The following PEX5 variants were observed in gnomAD, a reference collection of about 807,000 sequenced individuals.
The protein encoded by PEX5 is peroxisomal biogenesis factor 5.
In PEX5, 52 loss-of-function variants were observed where a neutral mutation model predicts 82.9. The observed-to-expected ratio is 0.63, with a 90% CI of 0.50 to 0.79. The LOEUF (loss-of-function observed/expected upper bound fraction) is 0.79, where lower values mean the gene tolerates loss of function less well. Among genes scored for constraint, PEX5 ranks in the 30% least tolerant of loss-of-function variants. The pLI is 0.00. For synonymous variants in PEX5, 300 were observed against 318.8 expected, an observed-to-expected ratio of 0.94 and a Z score of 0.63; for missense variants, 719 against 815.2, an observed-to-expected ratio of 0.88 and a Z score of 1.44.
chr12:7,203,184 C>CGAAGCGA lies in PEX5; in HGVS notation c.847-248_847-247insGAAGCGA, dbSNP rs1565707446. Reference sequence around the variant, plus strand: ...AAACAAAAAACTAAACTAAACTATGCACTGCACTGCACTGCACTGCACTGC... The same window carrying CGAAGCGA: ...AAACAAAAAACTAAACTAAACTATGCGAAGCGAACTGCACTGCACTGCACTGCACTGC... On this transcript the variant is annotated intron_variant, in intron 9 of 15. Transcript: ENST00000675855. Among the ~76,000 whole-genome samples the CGAAGCGA allele has an allele frequency of 2.9e-4, 20 of 67,948 alleles. 1 individual carries two copies. Among genetic ancestry groups the CGAAGCGA allele is most frequent in the African/African-American group, 1.2e-3 (20 of 16,808 alleles). The allele number at this position is 67,948 out of a possible 152,430, so 44.6% of individuals were successfully genotyped here.
downstream of PEX5, among the ~76,000 whole-genome samples, chr12:7,211,702 A>G (rs74393368): frequency 2.5e-3 from 381 of 152,282 alleles, no homozygotes; most frequent in Middle Eastern, 6.8e-3. Context: ...TCCTGTTACT[A>G]CTACAAAGGA....
chr12:7,198,994 T>G lies in PEX5; in HGVS notation c.449-17T>G. ...GAATGAACCTGTGTGATTTCCCCACTTCTCTGCTCCTTGCAGACCCCTTGT... is the reference window on the plus strand; with the variant it reads ...GAATGAACCTGTGTGATTTCCCCACGTCTCTGCTCCTTGCAGACCCCTTGT... On this transcript the variant is annotated splice_polypyrimidine_tract_variant and intron_variant, in intron 5 of 15. Coordinates refer to ENST00000675855, the MANE Select transcript of PEX5 (RefSeq NM_001351132.2). The G allele has an allele frequency of 6.8e-7, 1 of 1,461,418 alleles. No individual in the cohort carries two copies. The highest frequency in any genetic ancestry group is 9.5e-7 in the Non-Finnish European group (1 of 1,048,870). The allele number at this position is 1,461,418 out of a possible 1,614,324, so 90.5% of individuals were successfully genotyped here.
rs1338003604 is a variant in PEX5 at position 7,202,619 on chromosome 12, C to A, written c.761C>A (p.Ser254Ter). The A allele has an allele frequency of 1.2e-6, 2 of 1,613,776 alleles. No individual in the cohort carries two copies. The highest frequency in any genetic ancestry group is 1.7e-6 in the Non-Finnish European group (2 of 1,179,810). The change falls in exon 9 of 16, where the codon TCA (serine) becomes TAA (stop). Residue 254 changes from serine to a stop codon, truncating the protein, a stop_gained. Coordinates refer to ENST00000675855, the MANE Select transcript of PEX5 (RefSeq NM_001351132.2). LOFTEE classifies it high-confidence loss of function. Reference sequence around the variant, plus strand: ...CATCCTTTTTTGTCGCAGGGTACATCAGATGCCTGGGTTGACCAGTTCACA... The same window carrying A: ...CATCCTTTTTTGTCGCAGGGTACATAAGATGCCTGGGTTGACCAGTTCACA... ...AAEFIQQQGT[S>*]DAWVDQFTRP...
At chr12:7,190,215 A>G in intron 1 of PEX5, 147 bp from the exon 2 acceptor site, 7 of 1,575,132 alleles carry the variant, frequency 4.4e-6, no homozygotes, top group African/African-American at 1.3e-5. Context: ...CTCCTGGCAG[A>G]GGTGGGGGTC....
intron 4 of PEX5, 37 bp downstream of exon 4, chr12:7,191,395 C>T: frequency 6.2e-7 from 1 of 1,613,926 alleles, no homozygotes; most frequent in Non-Finnish European, 8.5e-7. Flanking sequence ...AGATCGTTTT[C>T]CATGTAGCCA....
Position 7,199,996 on chromosome 12 carries a change from G to A in PEX5, c.551+883G>A, listed in dbSNP as rs1368706725. 2.4e-5 allele frequency among the ~76,000 whole-genome samples: 3 copies of A among 127,228 alleles called. No homozygotes were observed. In the South Asian group the frequency reaches 8.2e-4, roughly 35 times the overall value. 83.5% of individuals were successfully genotyped at this position (127,228 alleles called of 152,430 possible). A position where few individuals can be genotyped will look rare whatever the true frequency, so the allele number is the denominator to read the frequency against. On this transcript the variant is annotated intron_variant, in intron 6 of 15. Transcript: ENST00000675855. ...GGGGCTGACCCCCCGCCTCCCTCCC[G>A]GACGGGGCGGCTGGCCAGGCGGGGG... is the stretch of plus-strand genomic sequence containing the variant.
rs1021951967 is a variant in PEX5 at position 7,197,424 on chromosome 12, G to A, written c.449-1587G>A. ...TATGTCATATACAATGTAATTATAT[G>A]TCATATACAATGTAATTATGTTATA... On this transcript the variant is annotated intron_variant, in intron 5 of 15. Transcript: ENST00000675855. Among the ~76,000 whole-genome samples, 6 of 100,394 alleles carry A rather than the reference G, an allele frequency of 6.0e-5. 1 individual carries two copies. The highest frequency in any genetic ancestry group is 2.5e-4 in the African/African-American group (6 of 24,454). 65.9% of individuals were successfully genotyped at this position (100,394 alleles called of 152,430 possible). A position where few individuals can be genotyped will look rare whatever the true frequency, so the allele number is the denominator to read the frequency against.
chr12:7,202,763 G>C, intron 9 of PEX5, 59 bp downstream of exon 9: 1 of 1,136,102 alleles, frequency 8.8e-7, no homozygotes. Context: ...TGGAGTGAGT[G>C]GGTGTATGAA....
downstream of PEX5, among the ~76,000 whole-genome samples, chr12:7,212,464 GAAAAAAAAAA>G (rs5796271): frequency 7.3e-5 from 7 of 96,276 alleles, no homozygotes; most frequent in African/African-American, 1.8e-4. Flanking sequence ...AAAGCTGCCA[GAAAAAAAAAA>G]AAAAAAAAAA....
chr12:7,214,408 T>C (rs1279161264), downstream of PEX5, among the ~76,000 whole-genome samples: 1 of 151,996 alleles, frequency 6.6e-6, no homozygotes, highest in Non-Finnish European at 1.5e-5. Context: ...GATGAGTTCA[T>C]GTCCTTTGTA....
rs1390930631 is a variant in PEX5 at position 7,196,458 on chromosome 12, CAT to C, written c.449-2547_449-2546del. The stretch of plus-strand genomic sequence containing the variant: ...CATATATAATGTAATAATTATGTGT[CAT>C]ATATAATGTAATAATTACATCATAT... On this transcript the variant is annotated intron_variant, in intron 5 of 15. Transcript: ENST00000675855. Among the ~76,000 whole-genome samples the C allele has an allele frequency of 3.4e-4, 45 of 134,002 alleles. 1 individual carries two copies. The highest frequency in any genetic ancestry group is 1.0e-3 in the South Asian group (4 of 3,986). The allele number at this position is 134,002 out of a possible 152,430, so 87.9% of individuals were successfully genotyped here.
At chr12:7,213,865 C>CA (rs1299578837), downstream of PEX5, among the ~76,000 whole-genome samples, 3 of 151,252 alleles carry the variant, frequency 2.0e-5, no homozygotes, top group Admixed American at 6.6e-5. Flanking sequence ...ACAATGAACT[C>CA]AAACAAATTT....
chr12:7,218,102 GGAGA>G (rs1945830755), intron 17 of PEX5, among the ~76,000 whole-genome samples: 1 of 152,154 alleles, frequency 6.6e-6, no homozygotes, highest in Non-Finnish European at 1.5e-5. Context: ...ATGGGGAGAT[GGAGA>G]GAGAAGAAAT....
intron 10 of PEX5, 137 bp from the exon 11 acceptor site, chr12:7,207,522 T>G: frequency 1.2e-6 from 1 of 818,722 alleles, no homozygotes; most frequent in Middle Eastern, 2.7e-4. Flanking sequence ...CTTTATAATA[T>G]GGAGAATTTG....
chr12:7,213,740 CTAAAG>C (rs1237040540), downstream of PEX5, among the ~76,000 whole-genome samples: 5 of 150,246 alleles, frequency 3.3e-5, no homozygotes, highest in East Asian at 9.7e-4. Context: ...TCTAATTAAA[CTAAAG>C]AGCTTCTGCA....
At chr12:7,212,483 A>C (rs867855784), downstream of PEX5, among the ~76,000 whole-genome samples, 26 of 59,074 alleles carry the variant, frequency 4.4e-4, no homozygotes, top group South Asian at 2.3e-3. Context: ...AAAAAAAAAA[A>C]AAAAACCCAA....
chr12:7,195,069 T>C (rs1941845447), intron 5 of PEX5, among the ~76,000 whole-genome samples: 3 of 152,220 alleles, frequency 2.0e-5, no homozygotes, highest in Admixed American at 2.0e-4. Context: ...GTGGGTAGAC[T>C]GACCCTACAA....
intron 5 of PEX5, among the ~76,000 whole-genome samples, chr12:7,193,436 G>T (rs933236518): frequency 4.6e-5 from 7 of 152,034 alleles, no homozygotes; most frequent in African/African-American, 1.7e-4. Flanking sequence ...GTTTCACCAT[G>T]TTGGCCAGGC....
intron 6 of PEX5, among the ~76,000 whole-genome samples, chr12:7,200,953 T>G (rs1943821258): frequency 6.6e-6 from 1 of 152,098 alleles, no homozygotes; most frequent in Non-Finnish European, 1.5e-5. Context: ...CTTTAAGATT[T>G]CCCCTTGGGT....
Sources: gnomAD v4.1 joint callset for allele counts (sites outside exome capture counted in the v4.1 genomes callset) on GRCh38, gnomAD v4.1.1 for gene constraint, MANE v1.5 for transcripts, NCBI Gene and HGNC (gene_info 2026-07-23, HGNC 2026-07-21) for gene names.